The following DPP10 variants were observed in gnomAD, a reference collection of about 807,000 sequenced individuals.
DPP10 encodes the protein inactive dipeptidyl peptidase 10.
In DPP10, 33 loss-of-function variants were observed where a neutral mutation model predicts 120.9. That is an observed-to-expected ratio of 0.27 (90% CI 0.21 to 0.37). The LOEUF is 0.37. Among genes scored for constraint, DPP10 ranks in the 10% least tolerant of loss-of-function variants. The pLI is 1.00. For missense variants in DPP10, 816 were observed against 942.8 expected, an observed-to-expected ratio of 0.87 and a Z score of 1.76; for synonymous variants, 337 against 326.1, an observed-to-expected ratio of 1.03 and a Z score of -0.36.
chr2:114,560,326 T>A (rs1038557255), intron 1 of DPP10, among the ~76,000 whole-genome samples: 5 of 152,240 alleles, frequency 3.3e-5, no homozygotes, highest in Non-Finnish European at 5.9e-5. Context: ...TAATTTTTTT[T>A]AAATAAAATT....
chr2:114,891,501 C>A lies in DPP10; in HGVS notation c.61-417738C>A, dbSNP rs143001926. 1.1e-4 allele frequency among the ~76,000 whole-genome samples: 17 copies of A among 152,234 alleles called. No individual in the cohort carries two copies. The East Asian group carries it at 2.7e-3, about 24-fold the overall frequency. Reference sequence around the variant, plus strand: ...TTTGTGATTAAAAATTAAGTTTCACCGCATTGAGAAATGCCACAAGTAGGC... The same window carrying A: ...TTTGTGATTAAAAATTAAGTTTCACAGCATTGAGAAATGCCACAAGTAGGC... On this transcript the variant is annotated intron_variant, in intron 1 of 25. Coordinates refer to ENST00000410059, the MANE Select transcript of DPP10 (RefSeq NM_020868.6).
intron 1 of DPP10, among the ~76,000 whole-genome samples, chr2:115,187,019 CTTTTTTTTTTTTTTTTTTTTTTT>C (rs147014349): frequency 1.7e-4 from 11 of 63,182 alleles, no homozygotes; most frequent in African/African-American, 3.1e-4. Context: ...TGCAAAGATT[CTTTTTTTTTTTTTTTTTTTTTTT>C]TTTTTTTTTT....
intron 1 of DPP10, among the ~76,000 whole-genome samples, chr2:115,032,280 C>T (rs1378831074): frequency 1.3e-5 from 2 of 151,714 alleles, no homozygotes; most frequent in Non-Finnish European, 2.9e-5. Context: ...TATGTCACAG[C>T]AGCTGCATTT....
chr2:115,465,973 A>G (rs532153582), intron 3 of DPP10, among the ~76,000 whole-genome samples: 16 of 152,184 alleles, frequency 1.1e-4, no homozygotes, highest in African/African-American at 3.9e-4. Context: ...TTTAAAAATG[A>G]TAATTACCCA....
At chr2:115,817,039 G>GA (rs1445156025) in intron 21 of DPP10, among the ~76,000 whole-genome samples, 2 of 151,158 alleles carry the variant, frequency 1.3e-5, no homozygotes, top group Non-Finnish European at 2.9e-5. Context: ...ATGAGGTCAG[G>GA]AGATAGAGGC....
At chr2:115,009,795 T>C (rs1440416466) in intron 1 of DPP10, among the ~76,000 whole-genome samples, 1 of 152,052 alleles carries the variant, frequency 6.6e-6, no homozygotes. Flanking sequence ...GTGATGGATA[T>C]CCCAAGTTAC....
intron 13 of DPP10, among the ~76,000 whole-genome samples, chr2:115,770,523 G>A (rs1004281594): frequency 6.6e-6 from 1 of 151,678 alleles, no homozygotes; most frequent in East Asian, 1.9e-4. Context: ...GATTATTTAT[G>A]AATATTTTGG....
intron 1 of DPP10, among the ~76,000 whole-genome samples, chr2:114,750,696 G>A (rs1027786227): frequency 1.3e-5 from 2 of 152,184 alleles, no homozygotes; most frequent in African/African-American, 4.8e-5. Context: ...GAGTCGTTGG[G>A]TAGATGCCAG....
intron 1 of DPP10, among the ~76,000 whole-genome samples, chr2:114,957,298 TATATATTTTGTAATATATATTTTGTA>T (rs1698285386): frequency 6.6e-6 from 1 of 151,952 alleles, no homozygotes; most frequent in Admixed American, 6.6e-5. Context: ...AGAGAAGACA[TATATATTTTGTAATATATATTTTGTA>T]ATATATTTTG....
rs192881015 is a variant in DPP10 at position 115,792,343 on chromosome 2, T to A, written c.1700+987T>A. 7.1e-3 allele frequency among the ~76,000 whole-genome samples: 1,079 copies of A among 152,224 alleles called. 14 individuals are homozygous for A. The highest frequency in any genetic ancestry group is 0.025 in the African/African-American group (1,037 of 41,548). On this transcript the variant is annotated intron_variant, in intron 19 of 25. Coordinates refer to ENST00000410059, the MANE Select transcript of DPP10 (RefSeq NM_020868.6). ...TAACACATATGATTCTTATAATTAT[T>A]GCGATTATAATTCTTTTTTGTATAG...
rs72826447 is a variant in DPP10 at position 115,514,683 on chromosome 2, T to C, written c.367-11215T>C. On this transcript the variant is annotated intron_variant, in intron 4 of 25. Transcript: ENST00000410059. ...AAAATTCCATCTTTCAGTCACACTATCCACATTACAAGTTTTCAATAGCTA... is the reference window on the plus strand; with the variant it reads ...AAAATTCCATCTTTCAGTCACACTACCCACATTACAAGTTTTCAATAGCTA... Among the ~76,000 whole-genome samples the C allele has an allele frequency of 9.2e-3, 1,404 of 151,986 alleles. 11 individuals carry two copies. Among genetic ancestry groups the C allele is most frequent in the Middle Eastern group, 0.017 (5 of 294 alleles).
At chr2:115,510,637 A>G (rs1320685450) in intron 4 of DPP10, among the ~76,000 whole-genome samples, 1 of 152,104 alleles carries the variant, frequency 6.6e-6, no homozygotes, top group African/African-American at 2.4e-5. Context: ...TTACATTTCC[A>G]TATGAATTTT....
Position 114,533,304 on chromosome 2 carries a change from T to G in DPP10, c.60+90466T>G, listed in dbSNP as rs145453243. 1.8e-3 allele frequency among the ~76,000 whole-genome samples: 278 copies of G among 152,298 alleles called. 1 individual carries two copies. The highest frequency in any genetic ancestry group is 6.5e-3 in the African/African-American group (271 of 41,556). ...CTTTCTCCTATGTTGAATGACCTGC[T>G]TCCTATGTCTTGTTCTTTGTTGGCT... On this transcript the variant is annotated intron_variant, in intron 1 of 25. Coordinates refer to ENST00000410059, the MANE Select transcript of DPP10 (RefSeq NM_020868.6).
intron 1 of DPP10, among the ~76,000 whole-genome samples, chr2:115,088,750 C>CGAAAAAAAAAAAA (rs769249185): frequency 1.5e-5 from 1 of 65,044 alleles, no homozygotes; most frequent in African/African-American, 5.6e-5. Flanking sequence ...CTGTGCCTGA[C>CGAAAAAAAAAAAA]AAAAAAAAAA....
intron 7 of DPP10, among the ~76,000 whole-genome samples, chr2:115,725,293 G>C (rs1041096863): frequency 2.0e-5 from 3 of 152,134 alleles, no homozygotes; most frequent in Non-Finnish European, 2.9e-5. Flanking sequence ...CTAATGGTTA[G>C]AGTTTTCAAT....
intron 1 of DPP10, among the ~76,000 whole-genome samples, chr2:114,832,284 A>G (rs1004535967): frequency 1.3e-5 from 2 of 152,344 alleles, no homozygotes; most frequent in East Asian, 3.9e-4. Context: ...CTGTAATCCC[A>G]GCACTTTTGG....
chr2:114,696,568 T>A (rs1700078905), intron 1 of DPP10, among the ~76,000 whole-genome samples: 1 of 151,950 alleles, frequency 6.6e-6, no homozygotes, highest in Non-Finnish European at 1.5e-5. Flanking sequence ...AATGTGAAAA[T>A]GTCCTCTGGG....
chr2:115,816,749 TG>T (rs1201857872), intron 21 of DPP10, among the ~76,000 whole-genome samples: 1 of 150,584 alleles, frequency 6.6e-6, no homozygotes, highest in Non-Finnish European at 1.5e-5. Context: ...CCTGAGTAGC[TG>T]GGGACTACAA....
intron 1 of DPP10, among the ~76,000 whole-genome samples, chr2:114,531,590 T>C (rs2104738875): frequency 6.8e-6 from 1 of 147,710 alleles, no homozygotes; most frequent in South Asian, 2.1e-4. Context: ...ATGTTACAGA[T>C]AAAATGAATA....
Sources: allele counts gnomAD v4.1 joint callset (sites outside exome capture counted in the v4.1 genomes callset), GRCh38; gene constraint gnomAD v4.1.1; transcripts MANE v1.5; gene names NCBI Gene and HGNC (gene_info 2026-07-23, HGNC 2026-07-21).